VIRMA: variants seen among roughly 807,000 people sequenced by gnomAD.
The protein encoded by VIRMA is protein virilizer homolog.
VIRMA carries 65 observed loss-of-function variants against 182.4 expected under a neutral mutation model. The observed-to-expected ratio is 0.36, with a 90% CI of 0.29 to 0.44. The LOEUF is 0.44. Among genes scored for constraint, VIRMA ranks in the 20% least tolerant of loss-of-function variants. The pLI, the probability that VIRMA is intolerant of heterozygous loss-of-function variation, is 1.00. For missense variants in VIRMA, 1,752 were observed against 2,158.1 expected, an observed-to-expected ratio of 0.81 and a Z score of 3.73; for synonymous variants, 709 against 743.1, an observed-to-expected ratio of 0.95 and a Z score of 0.75.
At position 94,538,313 on chromosome 8, in the gene VIRMA, T is replaced by C. The variant is rs1265039428; in HGVS notation, c.213A>G (p.Leu71=). ...ETSPHTFQLD[L]FFNNVSKPSA... The stretch of plus-strand genomic sequence containing the variant: ...TTGGTTTGCTTACATTGTTGAAGAA[T>C]AAGTCTAATTGAAATGTATGGGGAG... Residue 71 remains leucine (L), a synonymous_variant, in exon 3 of 24, where the codon TTA becomes TTG. Coordinates refer to ENST00000297591, the MANE Select transcript of VIRMA (RefSeq NM_015496.5). The C allele has an allele frequency of 1.2e-6, 2 of 1,613,130 alleles. No homozygotes were observed. The highest frequency in any genetic ancestry group is 1.7e-5 in the Admixed American group (1 of 60,012).
At chr8:94,534,732 A>G in intron 5 of VIRMA, 107 bp downstream of exon 5, 1 of 1,366,440 alleles carries the variant, frequency 7.3e-7, no homozygotes, top group Admixed American at 2.2e-5. Context: ...TCTCCCTCTC[A>G]AGAAATAAAA....
chr8:94,553,265 G>C (rs1816070930), intron 1 of VIRMA, 120 bp downstream of exon 1: 3 of 977,622 alleles, frequency 3.1e-6, no homozygotes, highest in Non-Finnish European at 4.9e-6. Context: ...GAGGGTGTCT[G>C]TGTGTAAGCG....
intron 5 of VIRMA, among the ~76,000 whole-genome samples, chr8:94,533,264 G>C (rs1240769196): frequency 6.6e-6 from 1 of 151,654 alleles, no homozygotes; most frequent in African/African-American, 2.4e-5. Context: ...AAAGTACAGT[G>C]TATGACCACC....
intron 5 of VIRMA, 114 bp from the exon 6 acceptor site, chr8:94,531,199 G>A (rs1815161872): frequency 1.7e-6 from 2 of 1,153,286 alleles, no homozygotes; most frequent in Non-Finnish European, 2.3e-6. Flanking sequence ...AGCAAAGAGA[G>A]ATCTAAAATA....
In VIRMA at chr8:94,529,066, C is replaced by A; in HGVS notation, c.880+4G>T. 1 of 1,610,330 alleles carries A rather than the reference C, an allele frequency of 6.2e-7. No individual in the cohort carries two copies. Among genetic ancestry groups the A allele is most frequent in the South Asian group, 1.1e-5 (1 of 90,974 alleles). ...ACCCCAAAGTCCTAGCTAACATAAC[C>A]CACCTTCACCTTCTTCATCCTCTTC... On this transcript the variant is annotated splice_donor_region_variant and intron_variant, in intron 7 of 23. Transcript: ENST00000297591.
At chr8:94,551,759 C>A (rs1224758353) in intron 1 of VIRMA, among the ~76,000 whole-genome samples, 1 of 152,236 alleles carries the variant, frequency 6.6e-6, no homozygotes, top group Non-Finnish European at 1.5e-5. Flanking sequence ...GGGTCTCACT[C>A]TGTTGCTCAG....
At chr8:94,542,504 T>C (rs893897192) in intron 2 of VIRMA, among the ~76,000 whole-genome samples, 3 of 152,180 alleles carry the variant, frequency 2.0e-5, no homozygotes, top group African/African-American at 7.2e-5. Context: ...ATAATAAATG[T>C]GTAGTTTTAA....
intron 1 of VIRMA, among the ~76,000 whole-genome samples, chr8:94,551,973 C>T (rs1235155623): frequency 6.6e-6 from 1 of 152,162 alleles, no homozygotes; most frequent in East Asian, 1.9e-4. Context: ...CTTCTGCTTC[C>T]GCCTCCCAAA....
chr8:94,532,215 T>C (rs945241171), intron 5 of VIRMA, among the ~76,000 whole-genome samples: 5 of 152,252 alleles, frequency 3.3e-5, no homozygotes, highest in Admixed American at 2.6e-4. Context: ...CAAGTGATTC[T>C]CCTGCCTTAG....
Position 94,506,614 on chromosome 8 carries a change from T to C in VIRMA, c.3983A>G (p.Asp1328Gly). 1 of 1,613,660 alleles carries C rather than the reference T, an allele frequency of 6.2e-7. No individual in the cohort carries two copies. The highest frequency in any genetic ancestry group is 8.5e-7 in the Non-Finnish European group (1 of 1,179,674). Residue 1328 changes from aspartate to glycine, a missense_variant, in exon 16 of 24, where the codon GAC becomes GGC. Asp to Gly is a moderately conservative substitution (Grantham distance 94). Transcript: ENST00000297591. Reference protein sequence around the residue: ...PNKELMTSICDCLLATLANSE... With the variant: ...PNKELMTSICGCLLATLANSE... ...GTTAGCTAGCGTAGCCAACAGACAG[T>C]CACAGATTGAGGTCATCAATTCTTT...
At position 94,491,645 on chromosome 8, in the gene VIRMA, T is replaced by C. The variant is rs749187994; in HGVS notation, c.5073A>G (p.Ser1691=). ...SQKISSRGGF[S]GNRGGRGAFH... ...AAGCACCCCGTCCTCCTCTATTGCC[T>C]GAAAACCCACCACGGGAAGAAATCT... Residue 1691 remains serine, a synonymous_variant, in exon 22 of 24, where the codon TCA becomes TCG. Transcript: ENST00000297591. 7.4e-6 allele frequency: 12 copies of C among 1,614,102 alleles called. No individual in the cohort carries two copies. The highest frequency in any genetic ancestry group is 1.7e-5 in the Admixed American group (1 of 60,006).
At position 94,496,528 on chromosome 8, in the gene VIRMA, A is replaced by T. The variant is rs1286678134; in HGVS notation, c.4231-48T>A. On this transcript the variant is annotated intron_variant, in intron 17 of 23. Coordinates refer to ENST00000297591, the MANE Select transcript of VIRMA (RefSeq NM_015496.5). ...AAATTTGAGAACAGAGAAATTTACA[A>T]AGATGCATCCACACTTATTCATATT... The T allele has an allele frequency of 8.1e-6, 12 of 1,485,016 alleles. No individual in the cohort carries two copies. In the East Asian group the frequency reaches 2.3e-4, roughly 28 times the overall value. The allele number at this position is 1,485,016 out of a possible 1,614,324, so 92.0% of individuals were successfully genotyped here. A position where few individuals can be genotyped will look rare whatever the true frequency, so the allele number is the denominator to read the frequency against.
At chr8:94,499,108 C>T in intron 17 of VIRMA, 1 of 207,592 alleles carries the variant, frequency 4.8e-6, no homozygotes, top group Non-Finnish European at 9.5e-6. Flanking sequence ...ATAAAATGAA[C>T]TAAAGTGATC....
At position 94,535,079 on chromosome 8, in the gene VIRMA, A is replaced by G; in HGVS notation, c.316-72T>C. 3.3e-6 allele frequency: 5 copies of G among 1,510,556 alleles called. No individual in the cohort carries two copies. The South Asian group carries it at 6.8e-5, about 20-fold the overall frequency. The allele number at this position is 1,510,556 out of a possible 1,614,324, so 93.6% of individuals were successfully genotyped here. ...AAATGCTAGAAGTTAGCTGATACCA[A>G]ATTAGATTGTGGTTCAACTAAAGTC... On this transcript the variant is annotated intron_variant, in intron 4 of 23. Transcript: ENST00000297591.
intron 2 of VIRMA, among the ~76,000 whole-genome samples, chr8:94,539,902 G>C (rs1413919148): frequency 6.6e-6 from 1 of 152,098 alleles, no homozygotes; most frequent in Non-Finnish European, 1.5e-5. Context: ...TTGCTCTCTT[G>C]GGCTCTCTGG....
intron 16 of VIRMA, among the ~76,000 whole-genome samples, chr8:94,505,900 G>A (rs1814137566): frequency 6.6e-6 from 1 of 151,758 alleles, no homozygotes; most frequent in Admixed American, 6.6e-5. Flanking sequence ...ACCAACCATG[G>A]AATGAAAATA....
At chr8:94,529,701 A>G (rs1815094662) in intron 6 of VIRMA, among the ~76,000 whole-genome samples, 1 of 151,776 alleles carries the variant, frequency 6.6e-6, no homozygotes, top group Non-Finnish European at 1.5e-5. Context: ...GTGCAGTGGC[A>G]TGATCTCGGC....
Position 94,546,767 on chromosome 8 carries a change from T to C in VIRMA, c.64-2825A>G, listed in dbSNP as rs1030756845. The C allele has an allele frequency of 2.4e-5, 9 of 376,182 alleles. No homozygotes were observed. The Admixed American group carries it at 2.7e-4, about 11-fold the overall frequency. The allele number at this position is 376,182 out of a possible 1,614,324, so 23.3% of individuals were successfully genotyped here. On this transcript the variant is annotated intron_variant, in intron 1 of 23. Transcript: ENST00000297591. ...GTCCATTGTATCATTCTTACGCCTT[T>C]GCATCCTGTGCTTCTTTCTTGCCTC...
At position 94,553,461 on chromosome 8, in the gene VIRMA, G is replaced by C. The variant is rs776607972; in HGVS notation, c.-14C>G. On this transcript the variant is annotated 5_prime_UTR_variant, in exon 1 of 24. Transcript: ENST00000297591. The stretch of plus-strand genomic sequence containing the variant: ...GTCCACCGCCATGTTTGCCGCGGGC[G>C]GGGAACAGGGGGGAGGACTTCCGGG... The C allele has an allele frequency of 4.3e-6, 7 of 1,613,572 alleles. No homozygotes were observed. The highest frequency in any genetic ancestry group is 5.1e-6 in the Non-Finnish European group (6 of 1,179,504).
Sources: gnomAD v4.1 joint callset for allele counts (sites outside exome capture counted in the v4.1 genomes callset) on GRCh38, gnomAD v4.1.1 for gene constraint, MANE v1.5 for transcripts, NCBI Gene and HGNC (gene_info 2026-07-23, HGNC 2026-07-21) for gene names.